Variants in KCNC2 observed in about 807,000 individuals in gnomAD.
KCNC2 encodes the protein voltage-gated potassium channel KCNC2.
KCNC2 carries 21 observed loss-of-function variants against 44.5 expected under a neutral mutation model. That is an observed-to-expected ratio of 0.47 (90% CI 0.33 to 0.68). The LOEUF is 0.68. Ranked by LOEUF, KCNC2 falls within the 30% of genes least tolerant of loss-of-function variation. The pLI, the probability that KCNC2 is intolerant of heterozygous loss-of-function variation, is 0.01. For synonymous variants in KCNC2, 391 were observed against 339.1 expected (o/e 1.15, Z -1.68); for missense variants, 589 against 826.2 (o/e 0.71, Z 3.52).
At chr12:75,088,629 A>C (rs962555603) in intron 2 of KCNC2, among the ~76,000 whole-genome samples, 2 of 151,968 alleles carry the variant, frequency 1.3e-5, no homozygotes, top group African/African-American at 4.8e-5. Context: ...GTGATAAATT[A>C]TATGGTCACC....
intron 2 of KCNC2, among the ~76,000 whole-genome samples, chr12:75,109,466 T>C (rs899230999): frequency 8.5e-5 from 13 of 152,172 alleles, no homozygotes; most frequent in Admixed American, 2.0e-4. Flanking sequence ...CTCATGGTTA[T>C]GTGGGATCTG....
chr12:75,053,115 C>A (rs895466965), intron 2 of KCNC2, among the ~76,000 whole-genome samples: 1 of 152,080 alleles, frequency 6.6e-6, no homozygotes, highest in African/African-American at 2.4e-5. Flanking sequence ...TAAAAGATAA[C>A]CTTTCAGAGG....
chr12:75,061,762 A>G (rs140128512), intron 2 of KCNC2, among the ~76,000 whole-genome samples: 6 of 152,142 alleles, frequency 3.9e-5, no homozygotes, highest in Non-Finnish European at 8.8e-5. Context: ...TAATTTATAG[A>G]CTTTTCTTAC....
intron 2 of KCNC2, among the ~76,000 whole-genome samples, chr12:75,203,281 C>T (rs1339909513): frequency 6.6e-6 from 1 of 151,634 alleles, no homozygotes. Flanking sequence ...AAAAGTGGCC[C>T]ATACAAAGTA....
rs1444456029 is a variant in KCNC2, at chr12:75,042,390, CA to C, written c.*714del. On this transcript the variant is annotated 3_prime_UTR_variant, in exon 5 of 5. Transcript: ENST00000549446. ...TTGCAGTTATCTGTGTGCAAACAAC[CA>C]GAGACATTCAGAACTCCAATACAGC... The C allele has an allele frequency of 6.2e-7, 1 of 1,608,022 alleles. No homozygotes were observed. Among genetic ancestry groups the C allele is most frequent in the African/African-American group, 1.3e-5 (1 of 74,506 alleles).
chr12:75,103,603 G>T (rs947861196), intron 2 of KCNC2, among the ~76,000 whole-genome samples: 2 of 152,136 alleles, frequency 1.3e-5, no homozygotes, highest in Admixed American at 6.5e-5. Flanking sequence ...GAGACCTGGG[G>T]CTACAAATCT....
chr12:75,177,999 C>G (rs989862809), intron 2 of KCNC2, among the ~76,000 whole-genome samples: 1 of 151,876 alleles, frequency 6.6e-6, no homozygotes, highest in African/African-American at 2.4e-5. Context: ...ATACCTTGTC[C>G]AATAATTTGA....
At chr12:75,192,617 G>GA (rs1433514418) in intron 2 of KCNC2, among the ~76,000 whole-genome samples, 2 of 152,272 alleles carry the variant, frequency 1.3e-5, no homozygotes, top group East Asian at 3.9e-4. Context: ...ATGGCAATGA[G>GA]AAAATCACAC....
intron 2 of KCNC2, among the ~76,000 whole-genome samples, chr12:75,186,316 G>C (rs1037527758): frequency 6.6e-6 from 1 of 151,798 alleles, no homozygotes; most frequent in Non-Finnish European, 1.5e-5. Context: ...CAAAACAATC[G>C]ATTCATGGAG....
At chr12:75,064,793 C>G (rs919103908) in intron 2 of KCNC2, among the ~76,000 whole-genome samples, 1 of 151,974 alleles carries the variant, frequency 6.6e-6, no homozygotes, top group African/African-American at 2.4e-5. Context: ...TAAATTTGAT[C>G]AGAAAATATT....
chr12:75,182,276 G>A (rs1263302911), intron 2 of KCNC2, among the ~76,000 whole-genome samples: 3 of 151,706 alleles, frequency 2.0e-5, no homozygotes, highest in South Asian at 2.1e-4. Flanking sequence ...CTGTAATCCA[G>A]CACTTTGGGA....
At position 75,207,769 on chromosome 12, in the gene KCNC2, G is replaced by T; in HGVS notation, c.215C>A (p.Pro72His). The change falls in exon 2 of 5, where the codon CCC (proline) becomes CAC (histidine). Residue 72 changes from proline (P) to histidine (H), a missense_variant. Pro to His is a moderately conservative substitution (Grantham distance 77). This residue lies in a region of KCNC2 where 148 missense variants were observed against 140.1 expected (regional missense o/e 1.06). Transcript: ENST00000549446. The surrounding 1 kb of genome is among the most constrained non-coding windows in gnomAD (Gnocchi z 4.1). Reference sequence around the variant, plus strand: ...GCCCTCGAAGCAGCCGCCTGGCCCGGGGGACAGCGGGGGCGCTCTCGGCGG... The same window carrying T: ...GCCCTCGAAGCAGCCGCCTGGCCCGTGGGACAGCGGGGGCGCTCTCGGCGG... ...SPPPRAPPLS[P>H]GPGGCFEGGA... 6.3e-7 allele frequency: 1 copy of T among 1,575,356 alleles called. No homozygotes were observed. The highest frequency in any genetic ancestry group is 2.3e-5 in the East Asian group (1 of 42,890).
rs550583794 is a variant in KCNC2 at position 75,173,331 on chromosome 12, G to C, written c.687+33966C>G. On this transcript the variant is annotated intron_variant, in intron 2 of 4. Coordinates refer to ENST00000549446, the MANE Select transcript of KCNC2 (RefSeq NM_139137.4). ...GATATAGAAGAATCACATCAGAGTA[G>C]AGTGGTTCTGAGAGCTAATCTAAAG... Among the ~76,000 whole-genome samples the C allele has an allele frequency of 1.8e-3, 267 of 151,930 alleles. 1 individual carries two copies. The highest frequency in any genetic ancestry group is 6.0e-3 in the African/African-American group (249 of 41,498).
chr12:75,160,155 A>G (rs1417915488), intron 2 of KCNC2, among the ~76,000 whole-genome samples: 3 of 151,792 alleles, frequency 2.0e-5, no homozygotes, highest in Non-Finnish European at 4.4e-5. Context: ...TTGTAAGGCT[A>G]GGCCCTAATC....
chr12:75,192,234 C>T (rs1199692810), intron 2 of KCNC2, among the ~76,000 whole-genome samples: 3 of 152,118 alleles, frequency 2.0e-5, no homozygotes, highest in East Asian at 1.9e-4. Context: ...TCCTTGCTGC[C>T]GCAACATCCA....
intron 2 of KCNC2, among the ~76,000 whole-genome samples, chr12:75,109,130 G>A (rs112750564): frequency 1.6e-4 from 25 of 152,168 alleles, no homozygotes; most frequent in African/African-American, 5.5e-4. Context: ...ATATCTAGAG[G>A]GATTCATGTG....
chr12:75,126,669 A>G (rs1888448851), intron 2 of KCNC2, among the ~76,000 whole-genome samples: 1 of 152,122 alleles, frequency 6.6e-6, no homozygotes, highest in Admixed American at 6.5e-5. Flanking sequence ...TGGCACAAAG[A>G]TGAGTCTGAA....
chr12:75,094,389 T>C (rs2137146575), intron 2 of KCNC2, among the ~76,000 whole-genome samples: 1 of 151,784 alleles, frequency 6.6e-6, no homozygotes, highest in East Asian at 1.9e-4. Context: ...AACAGACTGA[T>C]ATATGAAAGG....
At chr12:75,204,806 A>ATTTAAAT (rs2031558685) in intron 2 of KCNC2, among the ~76,000 whole-genome samples, 1 of 152,132 alleles carries the variant, frequency 6.6e-6, no homozygotes, top group Non-Finnish European at 1.5e-5. Flanking sequence ...TAGAATGGTG[A>ATTTAAAT]CTTATGATTA....
Sources: gnomAD v4.1 joint callset for allele counts (sites outside exome capture counted in the v4.1 genomes callset) on GRCh38, gnomAD v4.1.1 for gene constraint, gnomAD v4.1.1 regional missense constraint, Gnocchi (gnomAD v3.1) non-coding constraint, MANE v1.5 for transcripts, NCBI Gene and HGNC (gene_info 2026-07-23, HGNC 2026-07-21) for gene names.